Variants in ST6GAL1 observed in about 807,000 individuals in gnomAD.
ST6GAL1 encodes the protein beta-galactoside alpha-2,6-sialyltransferase 1.
Under a neutral mutation model 38.0 loss-of-function variants are expected in ST6GAL1, and 20 were observed. That is an observed-to-expected ratio of 0.53 (90% CI 0.37 to 0.77). The LOEUF (loss-of-function observed/expected upper bound fraction) is 0.77. ST6GAL1 is among the 30% of genes least tolerant of loss of function. The pLI is 0.00. For missense variants in ST6GAL1, 432 were observed against 496.4 expected, an observed-to-expected ratio of 0.87 and a Z score of 1.23; for synonymous variants, 196 against 188.2, an observed-to-expected ratio of 1.04 and a Z score of -0.34.
intron 5 of ST6GAL1, among the ~76,000 whole-genome samples, chr3:187,055,235 T>A (rs1718655160): frequency 1.7e-5 from 1 of 59,420 alleles, no homozygotes; most frequent in Admixed American, 1.6e-4. Context: ...TTTGTTGATC[T>A]TTTCAAAAAA....
At chr3:186,950,592 A>G (rs997174528) in intron 1 of ST6GAL1, among the ~76,000 whole-genome samples, 5 of 152,234 alleles carry the variant, frequency 3.3e-5, no homozygotes, top group Non-Finnish European at 5.9e-5. Flanking sequence ...GGGCTTCACA[A>G]AATGGTACAA....
At chr3:187,010,692 C>T (rs1354046160) in intron 2 of ST6GAL1, among the ~76,000 whole-genome samples, 1 of 152,172 alleles carries the variant, frequency 6.6e-6, no homozygotes, top group African/African-American at 2.4e-5. Flanking sequence ...TGCAAGCTGA[C>T]TCCCAGCACA....
intron 4 of ST6GAL1, among the ~76,000 whole-genome samples, chr3:187,049,643 G>A (rs1718442398): frequency 6.6e-6 from 1 of 152,184 alleles, no homozygotes. Flanking sequence ...TGGGGCTTTA[G>A]CCTATTCCGT....
chr3:186,961,268 G>A (rs1360669595), intron 1 of ST6GAL1, among the ~76,000 whole-genome samples: 5 of 152,106 alleles, frequency 3.3e-5, no homozygotes, highest in African/African-American at 4.8e-5. Flanking sequence ...GAGCCACTGC[G>A]CCCGGCCCCA....
At chr3:186,944,418 A>G (rs746048143) in intron 1 of ST6GAL1, among the ~76,000 whole-genome samples, 6 of 152,324 alleles carry the variant, frequency 3.9e-5, no homozygotes, top group East Asian at 1.9e-4. Context: ...TCTTTTGCCT[A>G]TTCTCCCCAT....
intron 2 of ST6GAL1, among the ~76,000 whole-genome samples, chr3:187,023,891 TAAAA>T (rs59561414): frequency 7.2e-6 from 1 of 138,380 alleles, no homozygotes; most frequent in South Asian, 2.3e-4. Context: ...TAATAATAAT[TAAAA>T]AAAAAAAAAA....
chr3:186,937,258 GTGTGGGCCCC>G (rs1713994716), intron 1 of ST6GAL1, among the ~76,000 whole-genome samples: 1 of 152,142 alleles, frequency 6.6e-6, no homozygotes, highest in African/African-American at 2.4e-5. Flanking sequence ...CTCCAAGGAT[GTGTGGGCCCC>G]TGGGATCTGA....
chr3:187,036,373 A>C (rs1235639293), intron 2 of ST6GAL1, among the ~76,000 whole-genome samples: 2 of 152,240 alleles, frequency 1.3e-5, no homozygotes, highest in African/African-American at 4.8e-5. Flanking sequence ...CAGAACTACT[A>C]TTCAACTCAG....
chr3:187,004,451 C>A (rs1366720164), intron 2 of ST6GAL1, among the ~76,000 whole-genome samples: 1 of 152,154 alleles, frequency 6.6e-6, no homozygotes, highest in Non-Finnish European at 1.5e-5. Flanking sequence ...GAAAGATGGC[C>A]TTTTATAAGC....
chr3:186,997,662 C>T (rs1314271055), intron 2 of ST6GAL1, among the ~76,000 whole-genome samples: 3 of 151,546 alleles, frequency 2.0e-5, no homozygotes, highest in East Asian at 1.9e-4. Context: ...GAGGCTGAGG[C>T]GAGAGGATCA....
intron 2 of ST6GAL1, among the ~76,000 whole-genome samples, chr3:186,965,994 G>T (rs1715099657): frequency 6.6e-6 from 1 of 152,196 alleles, no homozygotes; most frequent in African/African-American, 2.4e-5. Flanking sequence ...CGCCTCCCAG[G>T]TTTAAGTGAT....
At chr3:187,053,400 T>C (rs900116042) in intron 5 of ST6GAL1, among the ~76,000 whole-genome samples, 1 of 152,252 alleles carries the variant, frequency 6.6e-6, no homozygotes, top group African/African-American at 2.4e-5. Context: ...TGGTATTGTT[T>C]AGGTTTTCTT....
At position 187,064,417 on chromosome 3, in the gene ST6GAL1, C is replaced by T. The variant is rs570853518; in HGVS notation, c.706-8432C>T. The T allele has an allele frequency of 5.7e-4, 244 of 427,174 alleles. 2 individuals carry two copies. The highest frequency in any genetic ancestry group is 3.6e-3 in the South Asian group (209 of 58,704). The allele number at this position is 427,174 out of a possible 1,614,324, so 26.5% of individuals were successfully genotyped here. ...GTTGCCTACAATTCACAAAGGGTTG[C>T]GAAATAGCTCCCGTGGAATCAGAAT... On this transcript the variant is annotated intron_variant, in intron 5 of 7. Coordinates refer to ENST00000169298, the MANE Select transcript of ST6GAL1 (RefSeq NM_173216.2).
chr3:187,074,162 T>C lies in ST6GAL1; in HGVS notation c.808T>C (p.Tyr270His). The change falls in exon 7 of 8, where the codon TAC (tyrosine) becomes CAC (histidine). Residue 270 changes from tyrosine to histidine, a missense_variant. By Grantham distance (83) the Tyr-to-His change is moderately conservative. Transcript: ENST00000169298. ...SVYHSDIPKWYQNPDYNFFNN... is the reference protein window; with the variant it reads ...SVYHSDIPKWHQNPDYNFFNN... ...GGACCACTTCTTTCTTTTTCAGTGG[T>C]ACCAGAATCCGGATTATAATTTCTT... 2 of 1,605,018 alleles carry C rather than the reference T, an allele frequency of 1.2e-6. No homozygotes were observed. The highest frequency in any genetic ancestry group is 1.7e-6 in the Non-Finnish European group (2 of 1,176,188).
At chr3:186,941,900 T>C (rs1277720609) in intron 1 of ST6GAL1, among the ~76,000 whole-genome samples, 1 of 151,838 alleles carries the variant, frequency 6.6e-6, no homozygotes, top group East Asian at 1.9e-4. Flanking sequence ...TAGTCCCAGC[T>C]ACTCGGGAGG....
At chr3:187,048,772 C>T (rs1354783873) in intron 4 of ST6GAL1, among the ~76,000 whole-genome samples, 2 of 151,890 alleles carry the variant, frequency 1.3e-5, no homozygotes, top group African/African-American at 4.8e-5. Context: ...TTATGGTCAA[C>T]ATCAAGCATC....
In ST6GAL1 at chr3:187,075,985, T is replaced by A; in HGVS notation, c.*182T>A. 1 of 880,958 alleles carries A rather than the reference T, an allele frequency of 1.1e-6. No individual in the cohort carries two copies. Among genetic ancestry groups the A allele is most frequent in the Non-Finnish European group, 1.7e-6 (1 of 596,544 alleles). The allele number at this position is 880,958 out of a possible 1,614,324, so 54.6% of individuals were successfully genotyped here. A position where few individuals can be genotyped will look rare whatever the true frequency, so the allele number is the denominator to read the frequency against. On this transcript the variant is annotated 3_prime_UTR_variant, in exon 8 of 8. Coordinates refer to ENST00000169298, the MANE Select transcript of ST6GAL1 (RefSeq NM_173216.2). This position sits in a 1 kb window ranked among gnomAD's most constrained non-coding sequence, Gnocchi z 4.1. ...AGGAAATCAGGTCCAGCCTTCCCTG[T>A]AGCCAGACAGTTTATGAGCCCAGAG... is the stretch of plus-strand genomic sequence containing the variant.
intron 5 of ST6GAL1, among the ~76,000 whole-genome samples, chr3:187,065,156 G>A (rs569031571): frequency 1.3e-5 from 2 of 152,114 alleles, no homozygotes; most frequent in East Asian, 3.9e-4. Flanking sequence ...GCACCACCAT[G>A]CCCAGCTAAT....
At chr3:187,030,582 C>T (rs758094099) in intron 2 of ST6GAL1, among the ~76,000 whole-genome samples, 1 of 151,996 alleles carries the variant, frequency 6.6e-6, no homozygotes, top group Non-Finnish European at 1.5e-5. Context: ...TACAGGCGCC[C>T]GCCACCACAC....
Sources: allele counts gnomAD v4.1 joint callset (sites outside exome capture counted in the v4.1 genomes callset), GRCh38; gene constraint gnomAD v4.1.1; non-coding constraint Gnocchi (gnomAD v3.1); transcripts MANE v1.5; gene names NCBI Gene and HGNC (gene_info 2026-07-23, HGNC 2026-07-21).